Variants in SYN3 observed in about 807,000 individuals in gnomAD.
SYN3 encodes synapsin III, also known as synapsin-3.
Under a neutral mutation model 65.8 loss-of-function variants are expected in SYN3, and 35 were observed. The observed-to-expected ratio is 0.53, with a 90% CI of 0.41 to 0.70. The LOEUF is 0.70. Among genes scored for constraint, SYN3 ranks in the 30% least tolerant of loss-of-function variants. The pLI, the probability that SYN3 is intolerant of heterozygous loss-of-function variation, is 0.00. For missense variants in SYN3, 680 were observed against 749.0 expected, an observed-to-expected ratio of 0.91 and a Z score of 1.08; for synonymous variants, 270 against 292.9, an observed-to-expected ratio of 0.92 and a Z score of 0.80.
intron 6 of SYN3, among the ~76,000 whole-genome samples, chr22:32,811,037 T>C (rs2046902438): frequency 1.3e-5 from 2 of 152,156 alleles, no homozygotes; most frequent in Non-Finnish European, 2.9e-5. Flanking sequence ...AAATACTTCA[T>C]GGAATGTTTA....
At chr22:32,699,186 C>A (rs1334525054) in intron 6 of SYN3, among the ~76,000 whole-genome samples, 1 of 152,180 alleles carries the variant, frequency 6.6e-6, no homozygotes, top group Non-Finnish European at 1.5e-5. Flanking sequence ...CAGGACAACA[C>A]CCAAACTCCA....
chr22:32,896,549 A>G (rs1197988566), intron 4 of SYN3, among the ~76,000 whole-genome samples: 1 of 152,258 alleles, frequency 6.6e-6, no homozygotes, highest in Non-Finnish European at 1.5e-5. Context: ...ACTTAGATAA[A>G]TAGGCAGATG....
In SYN3 at chr22:32,535,781, CG is replaced by C. The variant is rs370373433; in HGVS notation, c.993-1887del. 1.8e-3 allele frequency among the ~76,000 whole-genome samples: 264 copies of C among 147,040 alleles called. 2 individuals carry two copies. The highest frequency in any genetic ancestry group is 5.5e-3 in the African/African-American group (221 of 40,004). Reference sequence around the variant, plus strand: ...AGCAGCGTGAGAGTGCTTGGAGAATCGGGGGGGGGGCCCTGCTCCCCTCCTG... The same window carrying C: ...AGCAGCGTGAGAGTGCTTGGAGAATCGGGGGGGGGCCCTGCTCCCCTCCTG... On this transcript the variant is annotated intron_variant, in intron 9 of 13. Transcript: ENST00000358763.
chr22:32,510,371 G>A lies in SYN3; in HGVS notation c.*3321C>T, dbSNP rs2057677515. Among the ~76,000 whole-genome samples the A allele has an allele frequency of 6.6e-6, 1 of 152,206 alleles. No individual in the cohort carries two copies. The highest frequency in any genetic ancestry group is 1.5e-5 in the Non-Finnish European group (1 of 68,040). ...TTTGTAACTAGCTCTGCCCATGGCC[G>A]TGGCCCACAGGTTGAGAAACTTTGT... On this transcript the variant is annotated 3_prime_UTR_variant, in exon 14 of 14. Coordinates refer to ENST00000358763, the MANE Select transcript of SYN3 (RefSeq NM_003490.4).
chr22:33,011,825 A>G (rs1463736448), intron 1 of SYN3, among the ~76,000 whole-genome samples: 11 of 151,960 alleles, frequency 7.2e-5, no homozygotes, highest in Admixed American at 7.2e-4. Flanking sequence ...TGTCCATTTC[A>G]TCTTGGTTGT....
chr22:32,889,712 A>C (rs939885590), intron 4 of SYN3, among the ~76,000 whole-genome samples: 4 of 152,032 alleles, frequency 2.6e-5, no homozygotes, highest in Admixed American at 2.0e-4. Context: ...CCAAAATATA[A>C]ACTTTTAGAT....
intron 6 of SYN3, among the ~76,000 whole-genome samples, chr22:32,838,242 G>A (rs1388715403): frequency 3.9e-5 from 6 of 152,086 alleles, no homozygotes; most frequent in Non-Finnish European, 7.3e-5. Flanking sequence ...ATTTCAAGTG[G>A]ACTTGAGGAG....
At position 33,058,299 on chromosome 22, in the gene SYN3, G is replaced by A. The variant is rs1337504769; in HGVS notation, c.-170C>T. The A allele has an allele frequency of 1.3e-5, 2 of 151,622 alleles. No individual in the cohort carries two copies. Among genetic ancestry groups the A allele is most frequent in the African/African-American group, 4.8e-5 (2 of 41,388 alleles). The allele number at this position is 151,622 out of a possible 1,614,324, so 9.4% of individuals were successfully genotyped here. ...CGGCGCCGCGCCGCTTACCGTGCGAGCCGCCAGGAACTCGGCGCCCGGTGG... is the reference window on the plus strand; with the variant it reads ...CGGCGCCGCGCCGCTTACCGTGCGAACCGCCAGGAACTCGGCGCCCGGTGG... On this transcript the variant is annotated 5_prime_UTR_variant, in exon 1 of 14. Coordinates refer to ENST00000358763, the MANE Select transcript of SYN3 (RefSeq NM_003490.4).
intron 6 of SYN3, among the ~76,000 whole-genome samples, chr22:32,816,154 A>G (rs2047083184): frequency 6.6e-6 from 1 of 151,980 alleles, no homozygotes; most frequent in African/African-American, 2.4e-5. Flanking sequence ...CCGCCTTCCC[A>G]GTTGGGCGAG....
At chr22:32,770,742 T>TCTC (rs1491547477) in intron 6 of SYN3, among the ~76,000 whole-genome samples, 7 of 151,918 alleles carry the variant, frequency 4.6e-5, no homozygotes, top group African/African-American at 1.7e-4. Flanking sequence ...CAGTTCTGTG[T>TCTC]CTCTGTTTTC....
intron 6 of SYN3, among the ~76,000 whole-genome samples, chr22:32,827,710 T>C (rs1292666014): frequency 6.6e-6 from 1 of 152,230 alleles, no homozygotes; most frequent in East Asian, 1.9e-4. Flanking sequence ...CAGTGGCTTC[T>C]TAATTCCTCA....
At chr22:33,050,479 C>T (rs1395707324) in intron 1 of SYN3, among the ~76,000 whole-genome samples, 1 of 108,498 alleles carries the variant, frequency 9.2e-6, no homozygotes, top group African/African-American at 3.5e-5. Context: ...GAGACTGTTT[C>T]AAAAAAAAAA....
At chr22:33,054,942 G>T (rs918732571) in intron 1 of SYN3, among the ~76,000 whole-genome samples, 4 of 152,184 alleles carry the variant, frequency 2.6e-5, no homozygotes, top group Admixed American at 2.0e-4. Flanking sequence ...TGTCCATTTT[G>T]CTTCCTAAAT....
intron 2 of SYN3, among the ~76,000 whole-genome samples, chr22:33,006,021 T>C (rs2053186600): frequency 6.6e-6 from 1 of 152,160 alleles, no homozygotes; most frequent in Non-Finnish European, 1.5e-5. Flanking sequence ...TTAGTATAAT[T>C]ATAGCCTCAC....
chr22:32,898,697 G>A (rs1336770977), intron 4 of SYN3, among the ~76,000 whole-genome samples: 1 of 152,208 alleles, frequency 6.6e-6, no homozygotes, highest in Non-Finnish European at 1.5e-5. Context: ...TCTTGGGGAG[G>A]GAGGAATTTG....
intron 2 of SYN3, among the ~76,000 whole-genome samples, chr22:32,987,371 G>C (rs1003487216): frequency 3.9e-5 from 6 of 152,174 alleles, no homozygotes; most frequent in Non-Finnish European, 5.9e-5. Context: ...TGGATGGGCA[G>C]AGATGTGGCA....
intron 7 of SYN3, among the ~76,000 whole-genome samples, chr22:32,564,598 C>T (rs1021841624): frequency 4.6e-5 from 7 of 151,380 alleles, no homozygotes; most frequent in Non-Finnish European, 8.8e-5. Flanking sequence ...ACAGTGCTCC[C>T]GGACTACACC....
At chr22:32,561,987 T>C (rs1391997412) in intron 7 of SYN3, among the ~76,000 whole-genome samples, 1 of 152,180 alleles carries the variant, frequency 6.6e-6, no homozygotes, top group Non-Finnish European at 1.5e-5. Flanking sequence ...CACCCCAGCA[T>C]AAACCTGCAA....
At chr22:32,727,738 T>C (rs1008256518) in intron 6 of SYN3, among the ~76,000 whole-genome samples, 4 of 152,252 alleles carry the variant, frequency 2.6e-5, no homozygotes, top group African/African-American at 9.6e-5. Flanking sequence ...TGATCAGTGA[T>C]GTTGAGCTTT....
Sources: allele counts gnomAD v4.1 joint callset (sites outside exome capture counted in the v4.1 genomes callset), GRCh38; gene constraint gnomAD v4.1.1; transcripts MANE v1.5; gene names NCBI Gene and HGNC (gene_info 2026-07-23, HGNC 2026-07-21).